The following FAM237A variants were observed in gnomAD, a reference collection of about 807,000 sequenced individuals.
The protein encoded by FAM237A is family with sequence similarity 237 member A.
A neutral mutation model predicts 12.5 loss-of-function variants in FAM237A; 14 were observed. The ratio of observed to expected loss-of-function variants is 1.12; its 90% CI spans 0.74 to 1.75. The LOEUF (loss-of-function observed/expected upper bound fraction) is 1.75. Among genes scored for constraint, FAM237A ranks in the 40% most tolerant of loss-of-function variants. The pLI, the probability that FAM237A is intolerant of heterozygous loss-of-function variation, is 0.00. For missense variants in FAM237A, 240 were observed against 211.7 expected (o/e 1.13, Z -0.83); for synonymous variants, 85 against 77.5 (o/e 1.10, Z -0.51).
At position 206,644,625 on chromosome 2, in the gene FAM237A, C is replaced by T; in HGVS notation, c.389C>T (p.Pro130Leu). 6.3e-7 allele frequency: 1 copy of T among 1,593,542 alleles called. No individual in the cohort carries two copies. Among genetic ancestry groups the T allele is most frequent in the Non-Finnish European group, 8.5e-7 (1 of 1,171,066 alleles). ...GAAGAGAAAATCTCAGCAGCGCAGCCACAGCACACAAGGAGTAAACAAGGT... is the reference window on the plus strand; with the variant it reads ...GAAGAGAAAATCTCAGCAGCGCAGCTACAGCACACAAGGAGTAAACAAGGT... ...GEEEKISAAQPQHTRSKQGTY... is the reference protein window; with the variant it reads ...GEEEKISAAQLQHTRSKQGTY... Residue 130 changes from proline to leucine, a missense_variant, in exon 2 of 3, where the codon CCA becomes CTA. Pro to Leu is a moderately conservative substitution (Grantham distance 98). Coordinates refer to ENST00000441223, the MANE Select transcript of FAM237A (RefSeq NM_001102659.3).
chr2:206,644,653 T>G lies in FAM237A; in HGVS notation c.412+5T>G, dbSNP rs1239206073. On this transcript the variant is annotated splice_donor_5th_base_variant and intron_variant, in intron 2 of 2. Transcript: ENST00000441223. ...AGCACACAAGGAGTAAACAAGGTGG[T>G]CAACCCCAGCTCCCATGTCTTTTGA... is the stretch of plus-strand genomic sequence containing the variant. 6.4e-7 allele frequency: 1 copy of G among 1,550,396 alleles called. No homozygotes were observed. Among genetic ancestry groups the G allele is most frequent in the African/African-American group, 1.4e-5 (1 of 72,738 alleles).
intron 1 of FAM237A, among the ~76,000 whole-genome samples, chr2:206,643,897 A>G (rs1699283977): frequency 6.6e-6 from 1 of 152,228 alleles, no homozygotes; most frequent in African/African-American, 2.4e-5. Context: ...AAAATTTTAA[A>G]TGTTCACTTA....
At chr2:206,643,584 G>A (rs1019672243) in intron 1 of FAM237A, 2 of 152,062 alleles carry the variant, frequency 1.3e-5, no homozygotes, top group African/African-American at 4.8e-5. Flanking sequence ...CTTTATGAAA[G>A]TTATATCAGA....
chr2:206,644,538 T>C lies in FAM237A; in HGVS notation c.302T>C (p.Ile101Thr). The change falls in exon 2 of 3, where the codon ATC (isoleucine) becomes ACC (threonine). Residue 101 changes from isoleucine (I) to threonine (T), a missense_variant. Physicochemically the swap from Ile to Thr is moderately conservative, Grantham distance 89. Coordinates refer to ENST00000441223, the MANE Select transcript of FAM237A (RefSeq NM_001102659.3). ...GATCTGGCCCAACTCTTCTGGGACA[T>C]CTATGTGGACTGTGTGCTCTCTAGG... ...FWDLAQLFWD[I>T]YVDCVLSRNH... 1 of 1,614,052 alleles carries C rather than the reference T, an allele frequency of 6.2e-7. No individual in the cohort carries two copies. Among genetic ancestry groups the C allele is most frequent in the East Asian group, 2.2e-5 (1 of 44,882 alleles).
Position 206,644,209 on chromosome 2 carries a change from T to C in FAM237A, c.-10-18T>C, listed in dbSNP as rs546312781. 9 of 1,547,920 alleles carry C rather than the reference T, an allele frequency of 5.8e-6. No homozygotes were observed. In the Admixed American group the frequency reaches 1.4e-4, roughly 24 times the overall value. On this transcript the variant is annotated intron_variant, in intron 1 of 2. Transcript: ENST00000441223. The stretch of plus-strand genomic sequence containing the variant: ...AGCACAAGCGGGGACTGATAAGAAA[T>C]ATTTCCATCCTGTGCAGTTTTAGGG...
chr2:206,648,712 T>C lies in FAM237A; in HGVS notation c.464T>C (p.Ile155Thr), dbSNP rs762436272. The C allele has an allele frequency of 6.9e-6, 11 of 1,588,136 alleles. No homozygotes were observed. The highest frequency in any genetic ancestry group is 2.3e-5 in the East Asian group (1 of 44,184). ...RTSFLKKKEL[I>T]EDLISMHVRR... is the part of the protein sequence containing the mutation. ...TCCTTCCTAAAGAAGAAAGAGTTGATTGAAGATTTGATAAGCATGCATGTG... is the reference window on the plus strand; with the variant it reads ...TCCTTCCTAAAGAAGAAAGAGTTGACTGAAGATTTGATAAGCATGCATGTG... Residue 155 changes from isoleucine to threonine, a missense_variant, in exon 3 of 3, where the codon ATT becomes ACT. Physicochemically the swap from Ile to Thr is moderately conservative, Grantham distance 89 (BLOSUM62 -1). Transcript: ENST00000441223.
chr2:206,643,261 A>G (rs892752961), intron 1 of FAM237A, among the ~76,000 whole-genome samples: 2 of 152,214 alleles, frequency 1.3e-5, no homozygotes, highest in African/African-American at 4.8e-5. Context: ...AGTGAGCTGT[A>G]TGTGCCCTTC....
chr2:206,645,773 AT>A (rs1312607904), intron 2 of FAM237A, among the ~76,000 whole-genome samples: 6 of 152,300 alleles, frequency 3.9e-5, no homozygotes, highest in Non-Finnish European at 8.8e-5. Context: ...TAAGTTTATT[AT>A]TTTGGTAAGT....
chr2:206,644,774 C>A (rs780031002), intron 2 of FAM237A, 126 bp downstream of exon 2: 41 of 907,544 alleles, frequency 4.5e-5, no homozygotes, highest in Non-Finnish European at 6.5e-5. Flanking sequence ...AAGAGGTGAA[C>A]CCCAAGAGCA....
chr2:206,647,674 G>C (rs1230443044), intron 2 of FAM237A, among the ~76,000 whole-genome samples: 1 of 111,648 alleles, frequency 9.0e-6, no homozygotes, highest in Non-Finnish European at 2.0e-5. Flanking sequence ...CACAGAGAGA[G>C]TGTGTGTTAG....
chr2:206,644,599 G>A lies in FAM237A; in HGVS notation c.363G>A (p.Glu121=). 1 of 1,607,614 alleles carries A rather than the reference G, an allele frequency of 6.2e-7. No homozygotes were observed. The highest frequency in any genetic ancestry group is 8.5e-7 in the Non-Finnish European group (1 of 1,177,588). The part of the protein sequence containing the change: ...HGLGRRQLVG[E]EEKISAAQPQ... ...TAGGAAGGAGGCAATTGGTTGGAGA[G>A]GAAGAGAAAATCTCAGCAGCGCAGC... is the stretch of plus-strand genomic sequence containing the variant. Residue 121 remains glutamate (E), a synonymous_variant, in exon 2 of 3, where the codon GAG becomes GAA. Coordinates refer to ENST00000441223, the MANE Select transcript of FAM237A (RefSeq NM_001102659.3).
Position 206,648,701 on chromosome 2 carries a change from GA to G in FAM237A, c.456del (p.Glu153SerfsTer2). 6.3e-7 allele frequency: 1 copy of G among 1,592,134 alleles called. No individual in the cohort carries two copies. The highest frequency in any genetic ancestry group is 2.3e-5 in the East Asian group (1 of 44,294). On this transcript the variant is annotated frameshift_variant, in exon 3 of 3. Coordinates refer to ENST00000441223, the MANE Select transcript of FAM237A (RefSeq NM_001102659.3). LOFTEE classifies it high-confidence loss of function. ...QLLRTSFLKKKELIEDLISMH... is the reference protein window; with the variant it reads ...QLLRTSFLKKXELIEDLISMH... ...TCCTAAGGACCTCCTTCCTAAAGAA[GA>G]AAGAGTTGATTGAAGATTTGATAAG...
At chr2:206,646,235 G>A (rs971814856) in intron 2 of FAM237A, among the ~76,000 whole-genome samples, 5 of 151,670 alleles carry the variant, frequency 3.3e-5, no homozygotes, top group Admixed American at 3.3e-4. Context: ...CCCGGGAGGC[G>A]GAGCTTGCAG....
chr2:206,646,356 T>G (rs1054114192), intron 2 of FAM237A, among the ~76,000 whole-genome samples: 3 of 152,124 alleles, frequency 2.0e-5, no homozygotes, highest in Admixed American at 6.5e-5. Context: ...CAGCAATATC[T>G]TTTTCTATCT....
At position 206,648,964 on chromosome 2, in the gene FAM237A, T is replaced by A. The variant is rs1203151963; in HGVS notation, c.*170T>A. 7.7e-6 allele frequency: 3 copies of A among 391,116 alleles called. No homozygotes were observed. The highest frequency in any genetic ancestry group is 6.4e-5 in the African/African-American group (3 of 46,682). The allele number at this position is 391,116 out of a possible 1,614,324, so 24.2% of individuals were successfully genotyped here. On this transcript the variant is annotated 3_prime_UTR_variant, in exon 3 of 3. Coordinates refer to ENST00000441223, the MANE Select transcript of FAM237A (RefSeq NM_001102659.3). ...AAGCTGCCTTCTATTATTTATTTAT[T>A]TATTTTAGGCTGCTAGCATGTTTCT...
chr2:206,646,391 G>T (rs1699318225), intron 2 of FAM237A, among the ~76,000 whole-genome samples: 1 of 151,682 alleles, frequency 6.6e-6, no homozygotes, highest in Non-Finnish European at 1.5e-5. Context: ...ATAACTCAAA[G>T]AAATGTCTAC....
At chr2:206,644,155 A>G in intron 1 of FAM237A, 72 bp from the exon 2 acceptor site, 1 of 1,334,116 alleles carries the variant, frequency 7.5e-7, no homozygotes, top group Non-Finnish European at 1.0e-6. Flanking sequence ...AAGGTTATTA[A>G]GGGCATACTT....
At chr2:206,648,590 T>A in intron 2 of FAM237A, 71 bp from the exon 3 acceptor site, 1 of 1,436,780 alleles carries the variant, frequency 7.0e-7, no homozygotes, top group East Asian at 2.6e-5. Context: ...CTTTTAAAGA[T>A]AATTTATTGA....
chr2:206,643,364 G>A (rs1455127707), intron 1 of FAM237A: 3 of 152,138 alleles, frequency 2.0e-5, no homozygotes, highest in Non-Finnish European at 4.4e-5. Context: ...CAAAAAAAGT[G>A]AACATTTGGG....
Sources: gnomAD v4.1 joint callset for allele counts (sites outside exome capture counted in the v4.1 genomes callset) on GRCh38, gnomAD v4.1.1 for gene constraint, MANE v1.5 for transcripts, NCBI Gene and HGNC (gene_info 2026-07-23, HGNC 2026-07-21) for gene names.